The following CELF1 variants were observed in gnomAD, a reference collection of about 807,000 sequenced individuals.
The protein encoded by CELF1 is 50 kDa nuclear polyadenylated RNA-binding protein.
Under a neutral mutation model 61.8 loss-of-function variants are expected in CELF1, and 10 were observed. The ratio of observed to expected loss-of-function variants is 0.16; its 90% CI spans 0.10 to 0.27. The LOEUF is 0.27. Among genes scored for constraint, CELF1 ranks in the 10% least tolerant of loss-of-function variants. The pLI is 1.00. For synonymous variants in CELF1, 236 were observed against 225.1 expected, an observed-to-expected ratio of 1.05 and a Z score of -0.43; for missense variants, 380 against 639.1, an observed-to-expected ratio of 0.59 and a Z score of 4.37.
At position 47,468,702 on chromosome 11, in the gene CELF1, GAAAGAAAA is replaced by G. The variant is rs2077072997; in HGVS notation, c.*3520_*3527del. The G allele has an allele frequency of 6.7e-6, 1 of 150,302 alleles. No homozygotes were observed. Among genetic ancestry groups the G allele is most frequent in the Non-Finnish European group, 1.5e-5 (1 of 67,406 alleles). 9.3% of individuals were successfully genotyped at this position (150,302 alleles called of 1,614,324 possible). A position where few individuals can be genotyped will look rare whatever the true frequency, so the allele number is the denominator to read the frequency against. ...TGGCAGCACAAAAGGAAAAAAAAAG[GAAAGAAAA>G]AAAGAAAAAAAAACGAAGAAAGAAA... is the stretch of plus-strand genomic sequence containing the variant. On this transcript the variant is annotated 3_prime_UTR_variant, in exon 15 of 15. Coordinates refer to ENST00000687097, the MANE Select transcript of CELF1 (RefSeq NM_001376376.1).
At chr11:47,513,639 TAG>T (rs1378032225) in intron 1 of CELF1, 2 of 151,928 alleles carry the variant, frequency 1.3e-5, no homozygotes, top group African/African-American at 4.8e-5. Context: ...GTATTTTTAG[TAG>T]AGATGGGGTT....
chr11:47,499,405 G>A, intron 3 of CELF1, 48 bp downstream of exon 3: 1 of 1,412,416 alleles, frequency 7.1e-7, no homozygotes, highest in Non-Finnish European at 9.6e-7. Context: ...AAAGAAAACA[G>A]CCCAGTTCCT....
intron 1 of CELF1, among the ~76,000 whole-genome samples, chr11:47,517,792 A>G (rs900790208): frequency 1.3e-5 from 2 of 152,132 alleles, no homozygotes; most frequent in Non-Finnish European, 2.9e-5. Context: ...AGCTGGGATT[A>G]CAGGCACCTG....
At chr11:47,564,014 A>G (rs545242690) in intron 2 of CELF1, among the ~76,000 whole-genome samples, 105 of 151,110 alleles carry the variant, frequency 6.9e-4, no homozygotes, top group African/African-American at 2.2e-3. Flanking sequence ...TTAAAAACAA[A>G]CAAACAAACA....
At chr11:47,560,862 G>C (rs2097222643) in intron 2 of CELF1, among the ~76,000 whole-genome samples, 1 of 152,176 alleles carries the variant, frequency 6.6e-6, no homozygotes, top group African/African-American at 2.4e-5. Context: ...ATTCTGGCTG[G>C]GCGCAGTGGC....
At position 47,465,982 on chromosome 11, in the gene CELF1, C is replaced by T. The variant is rs1480786443; in HGVS notation, c.*6248G>A. ...AGCAAATAAACAAAGGAAGGTACCA[C>T]ACTTGGCAGATACAAAATGACTTTT... On this transcript the variant is annotated 3_prime_UTR_variant, in exon 15 of 15. Coordinates refer to ENST00000687097, the MANE Select transcript of CELF1 (RefSeq NM_001376376.1). 1 of 152,160 alleles carries T rather than the reference C, an allele frequency of 6.6e-6. No individual in the cohort carries two copies. Among genetic ancestry groups the T allele is most frequent in the East Asian group, 1.9e-4 (1 of 5,190 alleles). The allele number at this position is 152,160 out of a possible 1,614,324, so 9.4% of individuals were successfully genotyped here.
In CELF1 at chr11:47,468,515, A is replaced by T. The variant is rs1344373857; in HGVS notation, c.*3715T>A. 1 of 152,640 alleles carries T rather than the reference A, an allele frequency of 6.6e-6. No individual in the cohort carries two copies. Among genetic ancestry groups the T allele is most frequent in the Non-Finnish European group, 1.5e-5 (1 of 68,040 alleles). 9.5% of individuals were successfully genotyped at this position (152,640 alleles called of 1,614,324 possible). On this transcript the variant is annotated 3_prime_UTR_variant, in exon 15 of 15. Transcript: ENST00000687097. Reference sequence around the variant, plus strand: ...GTGTGTTCACAGAAATACAAACACCACGCGGTATGTGCTAGTAGGGCTGCT... The same window carrying T: ...GTGTGTTCACAGAAATACAAACACCTCGCGGTATGTGCTAGTAGGGCTGCT...
chr11:47,510,073 A>G (rs893097613), intron 1 of CELF1, among the ~76,000 whole-genome samples: 1 of 151,992 alleles, frequency 6.6e-6, no homozygotes, highest in Non-Finnish European at 1.5e-5. Flanking sequence ...AAAAAGAAAA[A>G]AAAAAGTAAG....
chr11:47,491,311 C>T (rs1281793373), intron 3 of CELF1, among the ~76,000 whole-genome samples: 3 of 150,844 alleles, frequency 2.0e-5, no homozygotes, highest in Non-Finnish European at 3.0e-5. Context: ...TACAGGTATG[C>T]GCCACCATGC....
At chr11:47,550,409 T>C (rs1457500133) in intron 1 of CELF1, among the ~76,000 whole-genome samples, 1 of 151,920 alleles carries the variant, frequency 6.6e-6, no homozygotes. Context: ...TGGGCGCCTG[T>C]AATCACAGCT....
At chr11:47,558,377 T>C (rs1052206910) in intron 2 of CELF1, among the ~76,000 whole-genome samples, 2 of 146,628 alleles carry the variant, frequency 1.4e-5, no homozygotes, top group Non-Finnish European at 3.0e-5. Flanking sequence ...TTTGGTAAAA[T>C]AATGGATCTA....
intron 1 of CELF1, among the ~76,000 whole-genome samples, chr11:47,547,091 A>AAAAAAAAAAAAG (rs1390852543): frequency 1.2e-4 from 16 of 138,780 alleles, no homozygotes; most frequent in Non-Finnish European, 2.4e-4. Context: ...AAAAAAAAAA[A>AAAAAAAAAAAAG]AAGAAAGAAA....
chr11:47,519,082 T>C (rs1453740702), intron 1 of CELF1, among the ~76,000 whole-genome samples: 2 of 152,154 alleles, frequency 1.3e-5, no homozygotes. Flanking sequence ...GGCCAGAAAA[T>C]GCAAATTTTG....
chr11:47,533,888 ACT>A (rs1228658725), intron 1 of CELF1, among the ~76,000 whole-genome samples: 16 of 151,484 alleles, frequency 1.1e-4, no homozygotes, highest in Admixed American at 4.6e-4. Flanking sequence ...AATATATTCA[ACT>A]CTTAGTTTTT....
At chr11:47,505,153 C>T (rs954628272) in intron 1 of CELF1, among the ~76,000 whole-genome samples, 4 of 151,330 alleles carry the variant, frequency 2.6e-5, no homozygotes, top group South Asian at 4.2e-4. Flanking sequence ...AATAGTATAG[C>T]CTCAGAGCCT....
chr11:47,547,090 A>AAAAAAAAAAAG (rs2096978675), intron 1 of CELF1, among the ~76,000 whole-genome samples: 1 of 145,536 alleles, frequency 6.9e-6, no homozygotes, highest in Non-Finnish European at 1.5e-5. Context: ...AAAAAAAAAA[A>AAAAAAAAAAAG]AAAGAAAGAA....
intron 4 of CELF1, among the ~76,000 whole-genome samples, chr11:47,487,775 T>C (rs1015823005): frequency 2.0e-5 from 3 of 152,256 alleles, no homozygotes; most frequent in Admixed American, 6.5e-5. Flanking sequence ...TTTTGGACTC[T>C]TGGTTCTCAT....
intron 1 of CELF1, among the ~76,000 whole-genome samples, chr11:47,522,547 G>A (rs904841474): frequency 6.6e-6 from 1 of 150,470 alleles, no homozygotes; most frequent in East Asian, 2.0e-4. Flanking sequence ...ACAACAAAAC[G>A]CCAGGCACAG....
intron 9 of CELF1, among the ~76,000 whole-genome samples, chr11:47,480,600 G>T (rs1009071353): frequency 1.3e-5 from 2 of 152,126 alleles, no homozygotes; most frequent in Non-Finnish European, 2.9e-5. Flanking sequence ...TCCCTAAAGG[G>T]GGGCTCCAAA....
Sources: gnomAD v4.1 joint callset for allele counts (sites outside exome capture counted in the v4.1 genomes callset) on GRCh38, gnomAD v4.1.1 for gene constraint, MANE v1.5 for transcripts, NCBI Gene and HGNC (gene_info 2026-07-23, HGNC 2026-07-21) for gene names.